The following TMEM273 variants were observed in gnomAD, a reference collection of about 807,000 sequenced individuals.
TMEM273 encodes chromosome 10 open reading frame 128.
Under a neutral mutation model 17.9 loss-of-function variants are expected in TMEM273, and 19 were observed. That is an observed-to-expected ratio of 1.06 (90% CI 0.74 to 1.55). TMEM273 has a LOEUF of 1.55. TMEM273 is among the 40% of genes most tolerant of loss of function. The probability of loss-of-function intolerance (pLI) is 0.00; values close to 1 mark genes in which losing one functional copy is unlikely to be tolerated. For synonymous variants in TMEM273, 66 were observed against 62.0 expected (o/e 1.07, Z -0.31); for missense variants, 194 against 155.6 (o/e 1.25, Z -1.31).
chr10:49,185,994 G>A (rs1343095903), intron 1 of TMEM273, among the ~76,000 whole-genome samples: 1 of 148,014 alleles, frequency 6.8e-6, no homozygotes, highest in Non-Finnish European at 1.5e-5. Flanking sequence ...GAAGAAGGAG[G>A]AGGAGGAAGA....
intron 1 of TMEM273, among the ~76,000 whole-genome samples, chr10:49,186,167 C>T (rs768433004): frequency 5.3e-5 from 8 of 151,400 alleles, no homozygotes; most frequent in East Asian, 3.9e-4. Flanking sequence ...AATATTACTA[C>T]GGAACTCTAA....
intron 5 of TMEM273, among the ~76,000 whole-genome samples, chr10:49,164,210 C>G (rs576676975): frequency 1.3e-5 from 2 of 152,196 alleles, no homozygotes; most frequent in East Asian, 1.9e-4. Context: ...GCTGCTCCCC[C>G]ACCAACTTCC....
intron 1 of TMEM273, among the ~76,000 whole-genome samples, chr10:49,171,874 T>TC (rs112878752): frequency 0.29 from 43,534 of 151,988 alleles, 7,322 homozygotes; most frequent in African/African-American, 0.47. Flanking sequence ...CATCCAGGCC[T>TC]CTTTGAGCTG....
At chr10:49,173,308 C>T (rs560652875) in intron 1 of TMEM273, among the ~76,000 whole-genome samples, 1 of 152,268 alleles carries the variant, frequency 6.6e-6, no homozygotes, top group Admixed American at 6.5e-5. Context: ...CTAATGACTT[C>T]GGTAGTGGGT....
chr10:49,160,505 C>T (rs181881219), intron 6 of TMEM273: 54 of 151,382 alleles, frequency 3.6e-4, no homozygotes, highest in African/African-American at 1.3e-3. Context: ...CTGAAAGAGA[C>T]TTAAAAAAAA....
At chr10:49,161,730 T>C (rs1590186633) in intron 5 of TMEM273, 108 bp from the exon 6 acceptor site, 1 of 1,388,926 alleles carries the variant, frequency 7.2e-7, no homozygotes, top group Admixed American at 1.7e-5. Context: ...CTTGCTCTTT[T>C]GGGTCTGACT....
At chr10:49,173,994 T>A (rs1257835266) in intron 1 of TMEM273, among the ~76,000 whole-genome samples, 1 of 152,074 alleles carries the variant, frequency 6.6e-6, no homozygotes, top group African/African-American at 2.4e-5. Context: ...AGAAAAGAAA[T>A]CAGATGTGTA....
chr10:49,175,685 G>A (rs1846907134), intron 1 of TMEM273, among the ~76,000 whole-genome samples: 1 of 152,244 alleles, frequency 6.6e-6, no homozygotes, highest in Non-Finnish European at 1.5e-5. Flanking sequence ...CCTGAACCAG[G>A]GCTAGGAGCT....
intron 6 of TMEM273, chr10:49,156,397 T>TA (rs549482558): frequency 2.0e-4 from 141 of 703,492 alleles, no homozygotes; most frequent in Non-Finnish European, 2.7e-4. Context: ...AAGGGCAGCA[T>TA]AGGTGTCTAA....
intron 3 of TMEM273, chr10:49,166,340 A>G (rs1564627514): frequency 8.9e-6 from 2 of 225,698 alleles, no homozygotes; most frequent in Non-Finnish European, 1.8e-5. Context: ...CCTACTCAGT[A>G]CTGCTTTGAG....
chr10:49,174,507 C>T (rs773759007), intron 1 of TMEM273, among the ~76,000 whole-genome samples: 1 of 152,168 alleles, frequency 6.6e-6, no homozygotes, highest in Non-Finnish European at 1.5e-5. Context: ...TCTCAAACCC[C>T]GGAACCACCT....
intron 1 of TMEM273, among the ~76,000 whole-genome samples, chr10:49,185,485 A>G (rs1275948821): frequency 1.3e-5 from 2 of 152,116 alleles, no homozygotes; most frequent in African/African-American, 4.8e-5. Context: ...CTGCCAGTAG[A>G]TTGCACTAAA....
In TMEM273 at chr10:49,155,844, T is replaced by C. The variant is rs1033211802; in HGVS notation, c.*48A>G. ...ATCCTGAGATGTTAACCATGGGCTGTTTTCCACGGGGCTAGAACCCCTCTT... is the reference window on the plus strand; with the variant it reads ...ATCCTGAGATGTTAACCATGGGCTGCTTTCCACGGGGCTAGAACCCCTCTT... On this transcript the variant is annotated 3_prime_UTR_variant, in exon 7 of 7. Transcript: ENST00000374153. The C allele has an allele frequency of 6.2e-7, 1 of 1,614,008 alleles. No homozygotes were observed. Among genetic ancestry groups the C allele is most frequent in the African/African-American group, 1.3e-5 (1 of 75,020 alleles).
chr10:49,165,164 A>G, intron 5 of TMEM273, 41 bp downstream of exon 5: 1 of 1,517,752 alleles, frequency 6.6e-7, no homozygotes, highest in South Asian at 1.3e-5. Flanking sequence ...AAGCCAAGCA[A>G]AGAGAAGAGA....
At chr10:49,184,246 T>C (rs1847530215) in intron 1 of TMEM273, among the ~76,000 whole-genome samples, 1 of 151,754 alleles carries the variant, frequency 6.6e-6, no homozygotes, top group Non-Finnish European at 1.5e-5. Context: ...AAAGTAAAAA[T>C]AACTTTTTAA....
chr10:49,182,081 G>A (rs1318476727), intron 1 of TMEM273, among the ~76,000 whole-genome samples: 3 of 152,220 alleles, frequency 2.0e-5, no homozygotes, highest in African/African-American at 7.2e-5. Context: ...TTGCCTACCT[G>A]AGGTTTCAGC....
chr10:49,187,523 A>G (rs2132321759), intron 1 of TMEM273, among the ~76,000 whole-genome samples: 1 of 152,294 alleles, frequency 6.6e-6, no homozygotes, highest in South Asian at 2.1e-4. Flanking sequence ...CCTTTTTAGG[A>G]AACAACAGTT....
intron 1 of TMEM273, among the ~76,000 whole-genome samples, chr10:49,186,256 G>C (rs747707653): frequency 3.3e-5 from 5 of 152,116 alleles, no homozygotes; most frequent in African/African-American, 1.2e-4. Flanking sequence ...AAATATATTG[G>C]ATATTGTTGG....
chr10:49,163,385 A>T (rs2132122445), intron 5 of TMEM273, among the ~76,000 whole-genome samples: 1 of 152,176 alleles, frequency 6.6e-6, no homozygotes, highest in Non-Finnish European at 1.5e-5. Context: ...ATTCGACCAC[A>T]CATTTCCAAA....
Sources: allele counts gnomAD v4.1 joint callset (sites outside exome capture counted in the v4.1 genomes callset), GRCh38; gene constraint gnomAD v4.1.1; transcripts MANE v1.5; gene names NCBI Gene and HGNC (gene_info 2026-07-23, HGNC 2026-07-21).